The following VDAC1 variants were observed in gnomAD, a reference collection of about 807,000 sequenced individuals.
VDAC1 encodes the protein non-selective voltage-gated ion channel VDAC1.
VDAC1 carries 10 observed loss-of-function variants against 34.7 expected under a neutral mutation model. That is an observed-to-expected ratio of 0.29 (90% CI 0.18 to 0.49). The LOEUF (loss-of-function observed/expected upper bound fraction) is 0.49. Among genes scored for constraint, VDAC1 ranks in the 20% least tolerant of loss-of-function variants. The pLI is 0.99. For missense variants in VDAC1, 230 were observed against 347.9 expected, an observed-to-expected ratio of 0.66 and a Z score of 2.69; for synonymous variants, 130 against 136.0, an observed-to-expected ratio of 0.96 and a Z score of 0.30.
At chr5:133,975,814 C>G (rs1752457052) in intron 7 of VDAC1, 57 bp downstream of exon 7, 2 of 1,597,550 alleles carry the variant, frequency 1.3e-6, no homozygotes, top group African/African-American at 2.7e-5. Flanking sequence ...CTGAAGGATT[C>G]CAACATAAAG....
chr5:134,077,018 G>C, the VDAC1 span, among the ~76,000 whole-genome samples: 121,808 of 152,190 alleles, frequency 0.8, 49,678 homozygotes, highest in African/African-American at 0.95. Context: ...GTAGCTCACC[G>C]CTGTAATCTC....
At chr5:134,054,458 C>CTTTTTTTTTTT in the VDAC1 span, among the ~76,000 whole-genome samples, 15 of 123,544 alleles carry the variant, frequency 1.2e-4, no homozygotes, top group African/African-American at 1.2e-4. Flanking sequence ...TCCTTCCTTC[C>CTTTTTTTTTTT]TTTTTTTTTT....
the VDAC1 span, among the ~76,000 whole-genome samples, chr5:134,051,579 T>A: frequency 6.6e-6 from 1 of 151,936 alleles, no homozygotes; most frequent in Non-Finnish European, 1.5e-5. Flanking sequence ...CTGTTCCATA[T>A]CTCTCTTCTT....
At chr5:134,109,974 G>A in the VDAC1 span, among the ~76,000 whole-genome samples, 2 of 152,170 alleles carry the variant, frequency 1.3e-5, no homozygotes, top group African/African-American at 4.8e-5. Context: ...GCCACTCCAC[G>A]TTTGCCTTCG....
At chr5:133,994,005 G>C (rs896075581) in intron 1 of VDAC1, among the ~76,000 whole-genome samples, 1 of 152,190 alleles carries the variant, frequency 6.6e-6, no homozygotes, top group Non-Finnish European at 1.5e-5. Flanking sequence ...AGAATCATTA[G>C]TCTCAACCAG....
the VDAC1 span, among the ~76,000 whole-genome samples, chr5:134,033,763 C>T: frequency 6.6e-6 from 1 of 151,418 alleles, no homozygotes; most frequent in African/African-American, 2.4e-5. Context: ...GAGGCCAAGG[C>T]GGGCGGATCA....
At chr5:134,012,587 T>C in the VDAC1 span, among the ~76,000 whole-genome samples, 1 of 152,150 alleles carries the variant, frequency 6.6e-6, no homozygotes, top group East Asian at 1.9e-4. Context: ...AAGCATCATC[T>C]ATGTGACACA....
At chr5:133,978,815 A>C (rs1031897336) in intron 6 of VDAC1, among the ~76,000 whole-genome samples, 2 of 152,090 alleles carry the variant, frequency 1.3e-5, no homozygotes, top group Non-Finnish European at 2.9e-5. Context: ...AAGTTCAAGA[A>C]CAACCTGGGC....
chr5:134,112,378 C>G, the VDAC1 span, among the ~76,000 whole-genome samples: 1 of 152,222 alleles, frequency 6.6e-6, no homozygotes, highest in Non-Finnish European at 1.5e-5. Flanking sequence ...CAAGCCAGGG[C>G]TAGGTACACA....
At chr5:134,056,442 T>C in the VDAC1 span, among the ~76,000 whole-genome samples, 1 of 149,714 alleles carries the variant, frequency 6.7e-6, no homozygotes, top group African/African-American at 2.5e-5. Flanking sequence ...GAATTTTTTT[T>C]TTTTTTTTTT....
At chr5:134,035,362 C>T in the VDAC1 span, among the ~76,000 whole-genome samples, 1 of 152,174 alleles carries the variant, frequency 6.6e-6, no homozygotes, top group Non-Finnish European at 1.5e-5. Flanking sequence ...CCACTTCAGC[C>T]TCGCAAGTAG....
intron 1 of VDAC1, among the ~76,000 whole-genome samples, chr5:133,998,671 G>T (rs1753426721): frequency 6.6e-6 from 1 of 152,254 alleles, no homozygotes; most frequent in African/African-American, 2.4e-5. Flanking sequence ...TGCAAGAACA[G>T]ATTTAAACTA....
At chr5:134,046,159 G>A in the VDAC1 span, among the ~76,000 whole-genome samples, 3 of 151,060 alleles carry the variant, frequency 2.0e-5, 1 homozygote, top group South Asian at 6.3e-4. Context: ...CCAAGCAGCT[G>A]GGACTACAGG....
the VDAC1 span, among the ~76,000 whole-genome samples, chr5:134,032,513 G>C: frequency 6.6e-6 from 1 of 152,170 alleles, no homozygotes; most frequent in Non-Finnish European, 1.5e-5. Context: ...AGATTATTCT[G>C]TGCAAAATTG....
the VDAC1 span, among the ~76,000 whole-genome samples, chr5:134,094,553 C>T: frequency 4.6e-5 from 7 of 152,202 alleles, no homozygotes; most frequent in Admixed American, 6.5e-5. Flanking sequence ...AAAAATTAGC[C>T]GAGCGTGGCG....
At chr5:134,073,149 C>T in the VDAC1 span, among the ~76,000 whole-genome samples, 1 of 152,202 alleles carries the variant, frequency 6.6e-6, no homozygotes, top group Admixed American at 6.5e-5. Flanking sequence ...TGCCCTGAAG[C>T]CCCTGCCTCC....
At chr5:134,042,293 T>C in the VDAC1 span, among the ~76,000 whole-genome samples, 1 of 152,134 alleles carries the variant, frequency 6.6e-6, no homozygotes, top group African/African-American at 2.4e-5. Context: ...TTCCAGTCAC[T>C]GGTCTGGACC....
the VDAC1 span, among the ~76,000 whole-genome samples, chr5:134,056,465 G>T: frequency 7.8e-6 from 1 of 128,220 alleles, no homozygotes; most frequent in Non-Finnish European, 1.6e-5. Context: ...TTTGAGACAG[G>T]GTTTATCTCT....
At chr5:133,980,702 C>T (rs1561584236) in intron 6 of VDAC1, 27 bp downstream of exon 6, 2 of 885,138 alleles carry the variant, frequency 2.3e-6, no homozygotes, top group Middle Eastern at 2.5e-4. Context: ...CCACCCCTCC[C>T]ACCCTGCTGC....
Sources: gnomAD v4.1 joint callset for allele counts (sites outside exome capture counted in the v4.1 genomes callset) on GRCh38, gnomAD v4.1.1 for gene constraint, MANE v1.5 for transcripts, NCBI Gene and HGNC (gene_info 2026-07-23, HGNC 2026-07-21) for gene names.